DMD: variants seen among roughly 807,000 people sequenced by gnomAD.
DMD encodes dystrophin.
Under a neutral mutation model 330.1 loss-of-function variants are expected in DMD, and 63 were observed. That is an observed-to-expected ratio of 0.19 (90% CI 0.16 to 0.24). The LOEUF (loss-of-function observed/expected upper bound fraction) is 0.24, where lower values mean the gene tolerates loss of function less well. Among genes scored for constraint, DMD ranks in the 10% least tolerant of loss-of-function variants. The probability of loss-of-function intolerance (pLI) is 1.00; values close to 1 mark genes in which losing one functional copy is unlikely to be tolerated. For synonymous variants in DMD, 1,223 were observed against 959.8 expected (o/e 1.27, Z -5.07); for missense variants, 3,344 against 2,684.1 (o/e 1.25, Z -5.43).
intron 44 of DMD, among the ~76,000 whole-genome samples, chrX:32,118,417 G>A (rs1487302609): frequency 9.0e-6 from 1 of 111,215 alleles, no homozygotes; most frequent in Non-Finnish European, 1.9e-5. Flanking sequence ...CTGAGCCATG[G>A]TTAAGCTCCA....
At chrX:33,131,572 T>C (rs998770814) in intron 1 of DMD, among the ~76,000 whole-genome samples, 24 of 111,906 alleles carry the variant, frequency 2.1e-4, no homozygotes, top group African/African-American at 7.8e-4. Context: ...GAGAACCACT[T>C]TCTAGACCAT....
intron 60 of DMD, among the ~76,000 whole-genome samples, chrX:31,429,101 G>A (rs1002024416): frequency 1.7e-4 from 17 of 101,912 alleles, no homozygotes; most frequent in Non-Finnish European, 3.3e-4. Context: ...CAGCCTGGGC[G>A]ACAGATTGAG....
At chrX:31,206,032 G>A (rs767984875) in intron 66 of DMD, among the ~76,000 whole-genome samples, 9 of 112,422 alleles carry the variant, frequency 8.0e-5, no homozygotes, top group Non-Finnish European at 1.1e-4. Context: ...AACCCAATGC[G>A]TAATCAAAAG....
chrX:32,171,797 C>T (rs1471468722), intron 44 of DMD, among the ~76,000 whole-genome samples: 1 of 111,413 alleles, frequency 9.0e-6, no homozygotes, highest in Non-Finnish European at 1.9e-5. Context: ...TCGTTTTTAT[C>T]ATTCATACAT....
chrX:31,570,343 G>A (rs1453148020), intron 55 of DMD, among the ~76,000 whole-genome samples: 1 of 111,144 alleles, frequency 9.0e-6, no homozygotes, highest in East Asian at 2.8e-4. Context: ...TATCACTGGC[G>A]ATGTTATACT....
At chrX:32,370,319 G>A (rs2097870301) in intron 34 of DMD, among the ~76,000 whole-genome samples, 1 of 107,536 alleles carries the variant, frequency 9.3e-6, no homozygotes, top group Admixed American at 1.0e-4. Flanking sequence ...GATGCTAATT[G>A]CTTTTACAGC....
chrX:31,551,650 C>T lies in DMD; in HGVS notation c.8218-44197G>A, dbSNP rs184347922. Among the ~76,000 whole-genome samples the T allele has an allele frequency of 8.0e-5, 9 of 112,355 alleles. No homozygotes were observed. In the East Asian group the frequency reaches 1.7e-3, roughly 21 times the overall value. On this transcript the variant is annotated intron_variant, in intron 55 of 78. Transcript: ENST00000357033. The stretch of plus-strand genomic sequence containing the variant: ...TCAAAGTAAAATCTCACCAACTGAG[C>T]GAAAGCTGTGGCACAGAAGTTCCTC...
At chrX:31,237,300 T>C (rs781530737) in intron 63 of DMD, among the ~76,000 whole-genome samples, 20 of 112,291 alleles carry the variant, frequency 1.8e-4, no homozygotes, top group Non-Finnish European at 3.8e-4. Context: ...TTTAAGCATC[T>C]AGGATCATAG....
At chrX:32,492,355 G>A (rs1186977649) in intron 19 of DMD, among the ~76,000 whole-genome samples, 2 of 112,214 alleles carry the variant, frequency 1.8e-5, no homozygotes, top group African/African-American at 3.2e-5. Flanking sequence ...CCATGGATGC[G>A]AGGAAGAAAA....
intron 7 of DMD, among the ~76,000 whole-genome samples, chrX:32,702,733 C>T (rs938859266): frequency 1.8e-5 from 2 of 110,948 alleles, no homozygotes; most frequent in Non-Finnish European, 3.8e-5. Context: ...CAACTGTGTA[C>T]GGGGGAAATG....
At chrX:33,169,248 G>A (rs1409889485) in intron 1 of DMD, among the ~76,000 whole-genome samples, 5 of 111,532 alleles carry the variant, frequency 4.5e-5, no homozygotes, top group African/African-American at 1.6e-4. Context: ...AGACACGAAG[G>A]CCTCTGAAAC....
At chrX:33,186,004 A>T (rs1446538443) in intron 1 of DMD, among the ~76,000 whole-genome samples, 1 of 111,848 alleles carries the variant, frequency 8.9e-6, no homozygotes, top group Admixed American at 9.5e-5. Context: ...TATTCCCCTC[A>T]GTTTTATGAC....
chrX:32,195,611 A>G (rs2096996034), intron 44 of DMD, among the ~76,000 whole-genome samples: 1 of 112,639 alleles, frequency 8.9e-6, no homozygotes, highest in Non-Finnish European at 1.9e-5. Flanking sequence ...TTACAAATAA[A>G]TGTACATTTT....
chrX:32,211,131 C>A (rs1359741270), intron 44 of DMD, among the ~76,000 whole-genome samples: 5 of 111,956 alleles, frequency 4.5e-5, no homozygotes, highest in Non-Finnish European at 5.6e-5. Context: ...CACCAGTGTG[C>A]TCTTTCTTTC....
At chrX:31,713,912 T>TAA (rs2084830440) in intron 52 of DMD, among the ~76,000 whole-genome samples, 1 of 111,921 alleles carries the variant, frequency 8.9e-6, no homozygotes, top group South Asian at 3.6e-4. Context: ...TGCAAATTAT[T>TAA]AAGTATAAAA....
At chrX:33,319,248 GTTT>G (rs2053979499) in intron 1 of DMD, among the ~76,000 whole-genome samples, 1 of 110,593 alleles carries the variant, frequency 9.0e-6, no homozygotes, top group African/African-American at 3.3e-5. Flanking sequence ...ACGCCACCCA[GTTT>G]ATTATTTATT....
At chrX:31,926,847 T>G (rs1023036652) in intron 47 of DMD, among the ~76,000 whole-genome samples, 1 of 111,342 alleles carries the variant, frequency 9.0e-6, no homozygotes, top group African/African-American at 3.3e-5. Flanking sequence ...GACATATTCA[T>G]GTCACAGTAA....
intron 60 of DMD, among the ~76,000 whole-genome samples, chrX:31,366,160 G>A (rs987640446): frequency 9.0e-6 from 1 of 111,216 alleles, no homozygotes; most frequent in Non-Finnish European, 1.9e-5. Flanking sequence ...TGACCAAAAG[G>A]CATTTTAAAT....
At chrX:31,782,735 C>T (rs1224119822) in intron 50 of DMD, among the ~76,000 whole-genome samples, 2 of 111,610 alleles carry the variant, frequency 1.8e-5, no homozygotes, top group East Asian at 5.7e-4. Flanking sequence ...TTCCCATTAC[C>T]ACAGAAATTA....
Sources: gnomAD v4.1 joint callset for allele counts (sites outside exome capture counted in the v4.1 genomes callset) on GRCh38, gnomAD v4.1.1 for gene constraint, MANE v1.5 for transcripts, NCBI Gene and HGNC (gene_info 2026-07-23, HGNC 2026-07-21) for gene names.